The following ANKRD30B variants were observed in gnomAD, a reference collection of about 807,000 sequenced individuals.
ANKRD30B encodes the protein ankyrin repeat domain-containing protein 30B.
In ANKRD30B, 144 loss-of-function variants were observed where a neutral mutation model predicts 202.2. The observed-to-expected ratio is 0.71, with a 90% CI of 0.62 to 0.82. The LOEUF (loss-of-function observed/expected upper bound fraction) is 0.82, where lower values mean the gene tolerates loss of function less well. Ranked by LOEUF, ANKRD30B falls within the 40% of genes least tolerant of loss-of-function variation. The pLI, the probability that ANKRD30B is intolerant of heterozygous loss-of-function variation, is 0.00. For missense variants in ANKRD30B, 1,487 were observed against 1,669.1 expected, an observed-to-expected ratio of 0.89 and a Z score of 1.90; for synonymous variants, 508 against 561.3, an observed-to-expected ratio of 0.91 and a Z score of 1.34.
chr18:14,755,092 C>T (rs1914123327), intron 4 of ANKRD30B, 87 bp downstream of exon 4: 2 of 738,812 alleles, frequency 2.7e-6, no homozygotes, highest in East Asian at 3.1e-5. Flanking sequence ...AAATTAACAA[C>T]ATTTAGTTAA....
At chr18:14,933,137 A>G in the ANKRD30B span, among the ~76,000 whole-genome samples, 1 of 152,204 alleles carries the variant, frequency 6.6e-6, no homozygotes, top group Non-Finnish European at 1.5e-5. Flanking sequence ...TAAGCGTGAC[A>G]ATCCTAAATG....
At position 14,851,730 on chromosome 18, in the gene ANKRD30B, G is replaced by A. The variant is rs1383370245; in HGVS notation, c.3786G>A (p.Gln1262=). 6.2e-7 allele frequency: 1 copy of A among 1,607,606 alleles called. No individual in the cohort carries two copies. Among genetic ancestry groups the A allele is most frequent in the African/African-American group, 1.4e-5 (1 of 74,024 alleles). The change falls in exon 42 of 44, where the codon CAG becomes CAA. Residue 1262 remains glutamine (Q), a synonymous_variant. Transcript: ENST00000690538. ...AAACAGTAACAAAAAGGGCATCTCA[G>A]TATAGAGAGCAGCTTAAAGTTCTGA... The part of the protein sequence containing the change: ...KQKTVTKRAS[Q]YREQLKVLTA...
At chr18:14,781,402 C>T (rs1007541882) in intron 11 of ANKRD30B, among the ~76,000 whole-genome samples, 16 of 140,286 alleles carry the variant, frequency 1.1e-4, no homozygotes, top group Middle Eastern at 8.1e-3. Flanking sequence ...TCACGCCATT[C>T]TCCTGCCTCA....
At chr18:14,766,139 A>G (rs962908498) in intron 7 of ANKRD30B, among the ~76,000 whole-genome samples, 1 of 152,140 alleles carries the variant, frequency 6.6e-6, no homozygotes, top group African/African-American at 2.4e-5. Context: ...TTAAGTTTAC[A>G]GACTGTGCAT....
chr18:14,831,202 G>GAAAAAAAAAAAAAAAAAA (rs1434127361), intron 33 of ANKRD30B, among the ~76,000 whole-genome samples, 181 bp from the exon 34 acceptor site: 3 of 76,930 alleles, frequency 3.9e-5, no homozygotes, highest in African/African-American at 1.6e-4. Flanking sequence ...AAAAAAAAAC[G>GAAAAAAAAAAAAAAAAAA]AAAACCAGAT....
chr18:14,910,264 T>C, the ANKRD30B span, among the ~76,000 whole-genome samples: 1 of 151,948 alleles, frequency 6.6e-6, no homozygotes, highest in African/African-American at 2.4e-5. Flanking sequence ...GTCTCCGAAG[T>C]CTATTATTCC....
At position 14,831,456 on chromosome 18, in the gene ANKRD30B, G is replaced by T; in HGVS notation, c.2847+1G>T. ...GGAAGACTTTAATCTTACTACCAAG[G>T]TAAAATAGTCTCTTGTTAAATTGAT... is the stretch of plus-strand genomic sequence containing the variant. On this transcript the variant is annotated splice_donor_variant, in intron 34 of 43. Coordinates refer to ENST00000690538, the MANE Select transcript of ANKRD30B (RefSeq NM_001367607.2). LOFTEE classifies it high-confidence loss of function. The T allele has an allele frequency of 1.3e-6, 2 of 1,494,218 alleles. No individual in the cohort carries two copies. Among genetic ancestry groups the T allele is most frequent in the Non-Finnish European group, 1.8e-6 (2 of 1,107,092 alleles). The allele number at this position is 1,494,218 out of a possible 1,614,324, so 92.6% of individuals were successfully genotyped here. A position where few individuals can be genotyped will look rare whatever the true frequency, so the allele number is the denominator to read the frequency against.
At chr18:14,928,195 C>T in the ANKRD30B span, among the ~76,000 whole-genome samples, 15 of 152,038 alleles carry the variant, frequency 9.9e-5, no homozygotes, top group Admixed American at 5.9e-4. Context: ...CTCTAACTCC[C>T]GACCTCAGGC....
intron 28 of ANKRD30B, among the ~76,000 whole-genome samples, chr18:14,811,285 C>G (rs1410078674): frequency 6.6e-6 from 1 of 151,342 alleles, no homozygotes; most frequent in Non-Finnish European, 1.5e-5. Flanking sequence ...GATCTTGGCG[C>G]ACTGCAAGCT....
At chr18:14,757,356 A>G (rs761786394) in intron 4 of ANKRD30B, among the ~76,000 whole-genome samples, 12 of 152,220 alleles carry the variant, frequency 7.9e-5, no homozygotes, top group Non-Finnish European at 1.6e-4. Flanking sequence ...ATAAATATCA[A>G]CAGCATTTAA....
At chr18:14,823,491 T>C (rs1970536299) in intron 32 of ANKRD30B, among the ~76,000 whole-genome samples, 1 of 151,782 alleles carries the variant, frequency 6.6e-6, no homozygotes, top group Non-Finnish European at 1.5e-5. Context: ...GGTGATTGTG[T>C]GTGTGTGCGT....
downstream of ANKRD30B, among the ~76,000 whole-genome samples, chr18:14,855,299 T>C (rs898785163): frequency 6.6e-6 from 1 of 152,222 alleles, no homozygotes; most frequent in Non-Finnish European, 1.5e-5. Context: ...CTCCTATGTC[T>C]ACTTCTTTCT....
At chr18:14,873,544 A>AG in the ANKRD30B span, among the ~76,000 whole-genome samples, 1 of 149,294 alleles carries the variant, frequency 6.7e-6, no homozygotes, top group African/African-American at 2.5e-5. Context: ...AAAAAAAAAA[A>AG]AGAGAGAATT....
intron 5 of ANKRD30B, among the ~76,000 whole-genome samples, chr18:14,758,331 C>T (rs1295171377): frequency 6.6e-6 from 1 of 152,098 alleles, no homozygotes; most frequent in Non-Finnish European, 1.5e-5. Flanking sequence ...TTCCTTAAGT[C>T]CAAGGAAGAC....
chr18:14,806,960 C>G (rs915531201), intron 24 of ANKRD30B, among the ~76,000 whole-genome samples: 30 of 150,934 alleles, frequency 2.0e-4, no homozygotes, highest in Non-Finnish European at 1.6e-4. Flanking sequence ...GAACGACCTT[C>G]TCATCGTAAT....
chr18:14,886,883 C>T, the ANKRD30B span, among the ~76,000 whole-genome samples: 1 of 152,074 alleles, frequency 6.6e-6, no homozygotes, highest in Admixed American at 6.6e-5. Context: ...ACCATTCATG[C>T]TCTCTCCCAG....
rs1969485505 is a variant in ANKRD30B at position 14,805,994 on chromosome 18, G to A, written c.2284+2170G>A. Reference sequence around the variant, plus strand: ...CCAGCACTTTGGGAGGCCGAGGCGGGCAGATCACGAGGTCAGGAGATCCAG... The same window carrying A: ...CCAGCACTTTGGGAGGCCGAGGCGGACAGATCACGAGGTCAGGAGATCCAG... On this transcript the variant is annotated intron_variant, in intron 24 of 43. Transcript: ENST00000690538. Among the ~76,000 whole-genome samples, 2 of 150,480 alleles carry A rather than the reference G, an allele frequency of 1.3e-5. 1 individual carries two copies. The highest frequency in any genetic ancestry group is 4.9e-5 in the African/African-American group (2 of 40,572).
chr18:14,860,033 A>G, the ANKRD30B span, among the ~76,000 whole-genome samples: 21,850 of 98,558 alleles, frequency 0.22, 2,146 homozygotes, highest in Middle Eastern at 0.32. Context: ...GCTCCTCACA[A>G]CCCAGACAGG....
intron 8 of ANKRD30B, among the ~76,000 whole-genome samples, chr18:14,770,067 A>G (rs1246206495): frequency 6.6e-6 from 1 of 152,144 alleles, no homozygotes; most frequent in Non-Finnish European, 1.5e-5. Flanking sequence ...TTTTTCTTCA[A>G]AGCAGTTCCC....
Sources: allele counts gnomAD v4.1 joint callset (sites outside exome capture counted in the v4.1 genomes callset), GRCh38; gene constraint gnomAD v4.1.1; transcripts MANE v1.5; gene names NCBI Gene and HGNC (gene_info 2026-07-23, HGNC 2026-07-21).